Variants in NTRK3 observed in about 807,000 individuals in gnomAD.
The protein encoded by NTRK3 is NT-3 growth factor receptor.
Under a neutral mutation model 91.7 loss-of-function variants are expected in NTRK3, and 24 were observed. The ratio of observed to expected loss-of-function variants is 0.26; its 90% CI spans 0.19 to 0.37. The LOEUF (loss-of-function observed/expected upper bound fraction) is 0.37, where lower values mean the gene tolerates loss of function less well. NTRK3 is among the 10% of genes least tolerant of loss of function. NTRK3 has a pLI of 1.00. For missense variants in NTRK3, 880 were observed against 1,068.9 expected (o/e 0.82, Z 2.46); for synonymous variants, 483 against 404.0 (o/e 1.20, Z -2.34).
intron 5 of NTRK3, among the ~76,000 whole-genome samples, chr15:88,156,301 G>A (rs74027778): frequency 0.019 from 2,858 of 152,250 alleles, 82 homozygotes; most frequent in African/African-American, 0.063. Context: ...GAGAAGGACC[G>A]TGGCACATGG....
At chr15:87,888,906 G>A (rs1458881617) in intron 17 of NTRK3, among the ~76,000 whole-genome samples, 1 of 152,096 alleles carries the variant, frequency 6.6e-6, no homozygotes, top group Non-Finnish European at 1.5e-5. Flanking sequence ...TATCCGCTGG[G>A]CTTTCTGCAC....
intron 5 of NTRK3, among the ~76,000 whole-genome samples, chr15:88,169,404 G>A (rs73451431): frequency 6.6e-6 from 1 of 152,148 alleles, no homozygotes; most frequent in East Asian, 1.9e-4. Context: ...AGAGGTTAGG[G>A]CCCTTGTGGA....
At chr15:88,085,192 T>C (rs183356199) in intron 13 of NTRK3, among the ~76,000 whole-genome samples, 12 of 152,310 alleles carry the variant, frequency 7.9e-5, no homozygotes, top group African/African-American at 2.6e-4. Flanking sequence ...AATAACCACT[T>C]AGATAAGGGA....
chr15:88,035,917 A>T (rs1406318397), intron 13 of NTRK3, among the ~76,000 whole-genome samples: 1 of 152,198 alleles, frequency 6.6e-6, no homozygotes, highest in Non-Finnish European at 1.5e-5. Flanking sequence ...AAGTTAAAGG[A>T]GAGTGGAAGA....
intron 3 of NTRK3, among the ~76,000 whole-genome samples, chr15:88,223,866 G>T (rs377174886): frequency 6.6e-6 from 1 of 152,154 alleles, no homozygotes; most frequent in African/African-American, 2.4e-5. Flanking sequence ...TGCTCCAAAG[G>T]CAGAAGAACA....
intron 17 of NTRK3, among the ~76,000 whole-genome samples, chr15:87,888,219 A>G (rs1163567460): frequency 6.6e-6 from 1 of 152,166 alleles, no homozygotes; most frequent in African/African-American, 2.4e-5. Flanking sequence ...ATGAGCACTA[A>G]TTAAAGAATG....
intron 13 of NTRK3, among the ~76,000 whole-genome samples, chr15:88,119,078 G>A (rs144117870): frequency 6.6e-6 from 1 of 152,336 alleles, no homozygotes; most frequent in Non-Finnish European, 1.5e-5. Context: ...TCGATGCAAG[G>A]GAACAGTTGG....
intron 6 of NTRK3, among the ~76,000 whole-genome samples, chr15:88,141,707 C>T (rs1324126671): frequency 2.0e-5 from 3 of 152,226 alleles, no homozygotes; most frequent in Non-Finnish European, 4.4e-5. Flanking sequence ...CTGGTCCCTG[C>T]ACTGCTGCAC....
chr15:87,914,830 G>C (rs2141778578), intron 17 of NTRK3, among the ~76,000 whole-genome samples: 1 of 152,356 alleles, frequency 6.6e-6, no homozygotes, highest in Non-Finnish European at 1.5e-5. Flanking sequence ...AGGCAACCAA[G>C]ATTGTCGTGA....
At chr15:88,126,466 C>T (rs1272344846) in intron 12 of NTRK3, 93 bp from the exon 13 acceptor site, 5 of 784,096 alleles carry the variant, frequency 6.4e-6, no homozygotes, top group Non-Finnish European at 1.1e-5. Context: ...AACAGTCCTA[C>T]TGCCATAGTA....
chr15:88,016,497 A>T (rs117849962), intron 14 of NTRK3, among the ~76,000 whole-genome samples: 6 of 152,352 alleles, frequency 3.9e-5, no homozygotes, highest in Non-Finnish European at 7.3e-5. Context: ...TGAAAACAAG[A>T]TGAAGGAATG....
At chr15:88,222,654 C>T (rs1322743793) in intron 3 of NTRK3, among the ~76,000 whole-genome samples, 1 of 152,120 alleles carries the variant, frequency 6.6e-6, no homozygotes, top group East Asian at 1.9e-4. Context: ...GTTTAGGTTG[C>T]CCAGTTGTGA....
chr15:88,159,079 C>A (rs912430000), intron 5 of NTRK3, among the ~76,000 whole-genome samples: 2 of 152,170 alleles, frequency 1.3e-5, no homozygotes, highest in Admixed American at 6.5e-5. Flanking sequence ...GCCAGGGTCC[C>A]CAAAGGCTGG....
chr15:88,040,075 G>C (rs188800814), intron 13 of NTRK3, among the ~76,000 whole-genome samples: 19 of 152,338 alleles, frequency 1.2e-4, no homozygotes, highest in African/African-American at 4.6e-4. Context: ...AGAACATAAA[G>C]TACATTGATT....
intron 13 of NTRK3, among the ~76,000 whole-genome samples, chr15:88,112,099 G>T (rs1036184570): frequency 5.9e-5 from 9 of 152,010 alleles, no homozygotes; most frequent in Admixed American, 6.5e-5. Context: ...GTAGAGACAG[G>T]GTTTCACAAT....
At chr15:88,065,003 T>C (rs1423728564) in intron 13 of NTRK3, among the ~76,000 whole-genome samples, 3 of 152,142 alleles carry the variant, frequency 2.0e-5, no homozygotes, top group Non-Finnish European at 4.4e-5. Context: ...GTACATAACA[T>C]ATGCTTGATA....
chr15:88,202,698 G>A (rs368298283), intron 3 of NTRK3, among the ~76,000 whole-genome samples: 2 of 152,206 alleles, frequency 1.3e-5, no homozygotes, highest in East Asian at 1.9e-4. Context: ...CTGTGCAGCT[G>A]CACAGAGTGC....
intron 3 of NTRK3, among the ~76,000 whole-genome samples, chr15:88,210,615 A>C (rs1298201691): frequency 6.6e-6 from 1 of 152,242 alleles, no homozygotes. Context: ...CCCCAAGGGC[A>C]GGAGAGAGCG....
chr15:88,167,138 A>G (rs1191012053), intron 5 of NTRK3, among the ~76,000 whole-genome samples: 1 of 152,154 alleles, frequency 6.6e-6, no homozygotes, highest in African/African-American at 2.4e-5. Flanking sequence ...GAACCTAACC[A>G]TCTTTCAGTG....
Sources: gnomAD v4.1 joint callset for allele counts (sites outside exome capture counted in the v4.1 genomes callset) on GRCh38, gnomAD v4.1.1 for gene constraint, MANE v1.5 for transcripts, NCBI Gene and HGNC (gene_info 2026-07-23, HGNC 2026-07-21) for gene names.